Variants in NDUFAF6 observed in about 807,000 individuals in gnomAD.
NDUFAF6 encodes NADH:ubiquinone oxidoreductase complex assembly factor 6.
In NDUFAF6, 45 loss-of-function variants were observed where a neutral mutation model predicts 40.8. The ratio of observed to expected loss-of-function variants is 1.10; its 90% CI spans 0.87 to 1.42. The LOEUF is 1.42. Ranked by LOEUF, NDUFAF6 falls within the 40% of genes most tolerant of loss-of-function variation. The pLI is 0.00. For synonymous variants in NDUFAF6, 185 were observed against 155.9 expected, an observed-to-expected ratio of 1.19 and a Z score of -1.39; for missense variants, 435 against 418.5, an observed-to-expected ratio of 1.04 and a Z score of -0.34.
At chr8:95,066,608 T>A (rs1394021442) in intron 9 of NDUFAF6, among the ~76,000 whole-genome samples, 1 of 152,208 alleles carries the variant, frequency 6.6e-6, no homozygotes, top group African/African-American at 2.4e-5. Flanking sequence ...CCTTCAGTTC[T>A]CTCTTTCACT....
At position 95,057,887 on chromosome 8, in the gene NDUFAF6, A is replaced by C. The variant is rs1832394231; in HGVS notation, c.952A>C (p.Thr318Pro). 6.3e-7 allele frequency: 1 copy of C among 1,583,126 alleles called. No individual in the cohort carries two copies. The highest frequency in any genetic ancestry group is 8.7e-7 in the Non-Finnish European group (1 of 1,152,242). Residue 318 changes from threonine to proline, a missense_variant, in exon 9 of 9, where the codon ACA (threonine) becomes CCA (proline). Transcript: ENST00000396124. ...IFHPSLQQKN[T>P]LLPLYLYIQS... ...CCACCCATCTTTACAGCAGAAGAAT[A>C]CATTACTTCCATTATATTTGTATAT...
chr8:94,895,931 T>G (rs1285937923), intron 1 of NDUFAF6: 1 of 152,928 alleles, frequency 6.5e-6, no homozygotes, highest in Non-Finnish European at 1.5e-5. Flanking sequence ...CACCCAGGTA[T>G]GTATCAACCC....
chr8:94,910,411 C>G (rs1037810609), intron 1 of NDUFAF6, among the ~76,000 whole-genome samples: 4 of 152,226 alleles, frequency 2.6e-5, no homozygotes, highest in Admixed American at 2.6e-4. Flanking sequence ...CATTGGCCTC[C>G]CAAAGTGCTG....
At chr8:95,113,248 C>A (rs1429495923) in intron 4 of NDUFAF6, among the ~76,000 whole-genome samples, 1 of 152,120 alleles carries the variant, frequency 6.6e-6, no homozygotes, top group Non-Finnish European at 1.5e-5. Context: ...GTAGGGAATA[C>A]TTAAAAAAGA....
At chr8:95,091,937 C>T in intron 2 of NDUFAF6, among the ~76,000 whole-genome samples, 1 of 70,924 alleles carries the variant, frequency 1.4e-5, no homozygotes, top group South Asian at 7.1e-4. Context: ...TTAAGGCAAG[C>T]CCAACTCTGT....
chr8:94,976,829 A>C (rs2131559265), intron 1 of NDUFAF6, among the ~76,000 whole-genome samples: 1 of 152,312 alleles, frequency 6.6e-6, no homozygotes, highest in African/African-American at 2.4e-5. Context: ...ATGCGAATGT[A>C]CTTAATATTA....
intron 2 of NDUFAF6, among the ~76,000 whole-genome samples, chr8:95,009,625 C>A (rs759748867): frequency 6.6e-6 from 1 of 152,114 alleles, no homozygotes; most frequent in African/African-American, 2.4e-5. Flanking sequence ...GCTCACATAA[C>A]CCCATCTGCT....
chr8:94,998,740 T>A (rs142102991), intron 2 of NDUFAF6, among the ~76,000 whole-genome samples: 1,538 of 152,240 alleles, frequency 0.01, 27 homozygotes, highest in African/African-American at 0.035. Flanking sequence ...CGCAGGAGGG[T>A]GTCTGGCTTT....
chr8:95,072,175 C>T (rs1045311774), intron 9 of NDUFAF6, among the ~76,000 whole-genome samples: 1 of 152,156 alleles, frequency 6.6e-6, no homozygotes, highest in Admixed American at 6.5e-5. Context: ...CCTGCCTTCC[C>T]CTTCCTGGCC....
chr8:94,984,805 G>T (rs1825699602), intron 2 of NDUFAF6, among the ~76,000 whole-genome samples: 1 of 152,192 alleles, frequency 6.6e-6, no homozygotes, highest in African/African-American at 2.4e-5. Context: ...GTTTGGGGGT[G>T]TGGTTACATT....
At chr8:94,942,794 AG>A (rs1242050996) in intron 1 of NDUFAF6, among the ~76,000 whole-genome samples, 1 of 152,214 alleles carries the variant, frequency 6.6e-6, no homozygotes, top group East Asian at 1.9e-4. Context: ...AAGGGGGCAA[AG>A]GAACACTATG....
At chr8:95,001,958 T>A (rs1243249550) in intron 2 of NDUFAF6, among the ~76,000 whole-genome samples, 1 of 152,178 alleles carries the variant, frequency 6.6e-6, no homozygotes, top group Non-Finnish European at 1.5e-5. Flanking sequence ...CAGAGCATTT[T>A]ACAGCCATTG....
At position 95,035,532 on chromosome 8, in the gene NDUFAF6, T is replaced by C; in HGVS notation, c.376T>C (p.Cys126Arg). The change falls in exon 3 of 9, where the codon TGT becomes CGT. Residue 126 changes from cysteine (C) to arginine (R), a missense_variant. Transcript: ENST00000396124. ...FWKKTVEDIY[C>R]DNPPHQPVAI... Reference sequence around the variant, plus strand: ...GAAAAAAACTGTGGAAGATATATACTGTGACAATCCACCACATCAGCCTGT... The same window carrying C: ...GAAAAAAACTGTGGAAGATATATACCGTGACAATCCACCACATCAGCCTGT... 6.2e-7 allele frequency: 1 copy of C among 1,613,448 alleles called. No individual in the cohort carries two copies. Among genetic ancestry groups the C allele is most frequent in the Non-Finnish European group, 8.5e-7 (1 of 1,179,744 alleles).
intron 2 of NDUFAF6, among the ~76,000 whole-genome samples, chr8:95,015,391 TG>T (rs1563789949): frequency 6.6e-6 from 1 of 152,260 alleles, no homozygotes; most frequent in Non-Finnish European, 1.5e-5. Context: ...AGGTCTTGGC[TG>T]GGCTTCTGGC....
intron 1 of NDUFAF6, chr8:94,930,692 A>G: frequency 6.2e-7 from 1 of 1,614,270 alleles, no homozygotes; most frequent in African/African-American, 1.3e-5. Flanking sequence ...CAACATAACA[A>G]TGAATATGCT....
chr8:94,932,231 T>C, intron 1 of NDUFAF6: 1 of 954,652 alleles, frequency 1.0e-6, no homozygotes, highest in Non-Finnish European at 1.6e-6. Flanking sequence ...TAAAGGCACG[T>C]ACATGTGCTT....
At chr8:94,965,257 A>G (rs564695050) in intron 1 of NDUFAF6, among the ~76,000 whole-genome samples, 2 of 86,002 alleles carry the variant, frequency 2.3e-5, no homozygotes, top group African/African-American at 6.2e-5. Flanking sequence ...TAATTAAAGG[A>G]CCGGGGCAGT....
intron 5 of NDUFAF6, chr8:95,115,824 G>A (rs1440447502): frequency 1.3e-5 from 2 of 152,186 alleles, no homozygotes; most frequent in African/African-American, 4.8e-5. Flanking sequence ...CTGCTCACTT[G>A]TTCAGGCAGG....
intron 2 of NDUFAF6, among the ~76,000 whole-genome samples, chr8:94,993,551 A>G (rs182812651): frequency 3.9e-5 from 6 of 152,330 alleles, no homozygotes; most frequent in Admixed American, 2.0e-4. Context: ...TGAGACCACC[A>G]TATAGGGATG....
Sources: gnomAD v4.1 joint callset for allele counts (sites outside exome capture counted in the v4.1 genomes callset) on GRCh38, gnomAD v4.1.1 for gene constraint, MANE v1.5 for transcripts, NCBI Gene and HGNC (gene_info 2026-07-23, HGNC 2026-07-21) for gene names.